The following DAB1 variants were observed in gnomAD, a reference collection of about 807,000 sequenced individuals.
The protein encoded by DAB1 is DAB adaptor protein 1, also known as disabled homolog 1.
Under a neutral mutation model 64.6 loss-of-function variants are expected in DAB1, and 15 were observed. The ratio of observed to expected loss-of-function variants is 0.23; its 90% CI spans 0.16 to 0.36. DAB1 has a LOEUF of 0.36. Among genes scored for constraint, DAB1 ranks in the 10% least tolerant of loss-of-function variants. The pLI, the probability that DAB1 is intolerant of heterozygous loss-of-function variation, is 1.00. For missense variants in DAB1, 596 were observed against 706.7 expected (o/e 0.84, Z 1.78); for synonymous variants, 235 against 251.9 (o/e 0.93, Z 0.64).
chr1:58,016,408 A>C (rs1646739731), intron 5 of DAB1, among the ~76,000 whole-genome samples: 1 of 152,166 alleles, frequency 6.6e-6, no homozygotes, highest in South Asian at 2.1e-4. Context: ...CTTGCAGCCC[A>C]CGGCATGTTA....
intron 3 of DAB1, among the ~76,000 whole-genome samples, chr1:57,140,055 G>A (rs1658451881): frequency 6.6e-6 from 1 of 152,128 alleles, no homozygotes; most frequent in African/African-American, 2.4e-5. Flanking sequence ...AGTGCCTTCA[G>A]GACACTGACG....
chr1:57,389,122 C>T (rs1355203731), intron 1 of DAB1, among the ~76,000 whole-genome samples: 2 of 152,170 alleles, frequency 1.3e-5, no homozygotes, highest in Non-Finnish European at 2.9e-5. Flanking sequence ...CCAAACACAG[C>T]CTCTATTTAC....
intron 5 of DAB1, among the ~76,000 whole-genome samples, chr1:58,131,977 G>A (rs1271301305): frequency 6.6e-6 from 1 of 151,874 alleles, no homozygotes; most frequent in East Asian, 2.0e-4. Flanking sequence ...GAGCTGTGGT[G>A]GGCTCCACCC....
At chr1:57,309,751 T>C (rs1674512734) in intron 1 of DAB1, among the ~76,000 whole-genome samples, 1 of 152,202 alleles carries the variant, frequency 6.6e-6, no homozygotes, top group Admixed American at 6.5e-5. Context: ...ACATTACCCA[T>C]GTTGATCATG....
intron 5 of DAB1, among the ~76,000 whole-genome samples, chr1:58,050,093 G>T (rs994959550): frequency 6.6e-6 from 1 of 152,150 alleles, no homozygotes; most frequent in Non-Finnish European, 1.5e-5. Flanking sequence ...GTATAAGGCA[G>T]TATTCTAGGC....
intron 1 of DAB1, among the ~76,000 whole-genome samples, chr1:57,373,806 TC>T (rs369638818): frequency 1.0e-3 from 156 of 152,312 alleles, no homozygotes; most frequent in African/African-American, 3.6e-3. Flanking sequence ...ATCGCCGGGT[TC>T]TTATAAAATT....
At chr1:58,115,029 C>T (rs1652238132) in intron 5 of DAB1, among the ~76,000 whole-genome samples, 1 of 150,872 alleles carries the variant, frequency 6.6e-6, no homozygotes. Flanking sequence ...GCAAAAGAAA[C>T]TACCATCAGA....
intron 9 of DAB1, among the ~76,000 whole-genome samples, chr1:57,048,538 G>T (rs568820834): frequency 6.6e-6 from 1 of 152,098 alleles, no homozygotes; most frequent in Non-Finnish European, 1.5e-5. Context: ...CCTGAAAAAC[G>T]TCCTCGTCTG....
intron 1 of DAB1, among the ~76,000 whole-genome samples, chr1:57,359,247 A>G (rs1303483451): frequency 6.6e-6 from 1 of 152,092 alleles, no homozygotes; most frequent in Non-Finnish European, 1.5e-5. Flanking sequence ...ACTCAATAGC[A>G]AAAACAGAAA....
intron 4 of DAB1, among the ~76,000 whole-genome samples, chr1:57,117,609 C>T (rs1656255639): frequency 6.6e-6 from 1 of 152,150 alleles, no homozygotes; most frequent in South Asian, 2.1e-4. Flanking sequence ...GCCCTCGGTG[C>T]AGTGCGGTAT....
chr1:57,450,279 CA>C (rs1221637343), intron 7 of DAB1, among the ~76,000 whole-genome samples: 2 of 152,082 alleles, frequency 1.3e-5, no homozygotes, highest in Non-Finnish European at 2.9e-5. Flanking sequence ...GGCAGAGGGG[CA>C]AAGAAGAGGG....
At chr1:57,084,770 AAC>A (rs1652893694) in intron 4 of DAB1, among the ~76,000 whole-genome samples, 1 of 152,162 alleles carries the variant, frequency 6.6e-6, no homozygotes, top group African/African-American at 2.4e-5. Context: ...TTAAATCAGA[AAC>A]ACAGAGTGTA....
chr1:57,302,922 T>C (rs536455078), intron 1 of DAB1, among the ~76,000 whole-genome samples: 88 of 152,318 alleles, frequency 5.8e-4, no homozygotes, highest in African/African-American at 2.0e-3. Flanking sequence ...CCTGAATTTG[T>C]TCACTGCAAA....
At chr1:58,338,479 TC>T (rs1280621287) in intron 4 of DAB1, among the ~76,000 whole-genome samples, 23 of 152,332 alleles carry the variant, frequency 1.5e-4, no homozygotes, top group African/African-American at 5.3e-4. Flanking sequence ...AGGTTTTGGT[TC>T]CCTATTATTT....
rs553249006 is a variant in DAB1 at position 57,679,590 on chromosome 1, A to T, written n.552-29925T>A. On this transcript the variant is annotated intron_variant and non_coding_transcript_variant, in intron 6 of 20. Transcript: ENST00000485760. ...TAAAGTTTATGTTCTGAATATTTAA[A>T]CTTCATCTAATATTGTTTTAGTAGT... 7.2e-5 allele frequency among the ~76,000 whole-genome samples: 11 copies of T among 152,328 alleles called. No homozygotes were observed. In the East Asian group the frequency reaches 2.1e-3, roughly 29 times the overall value.
intron 7 of DAB1, among the ~76,000 whole-genome samples, chr1:57,558,490 A>T (rs1441978272): frequency 6.6e-6 from 1 of 152,164 alleles, no homozygotes; most frequent in African/African-American, 2.4e-5. Context: ...TTTCTAATTC[A>T]TATAAACAGA....
intron 7 of DAB1, among the ~76,000 whole-genome samples, chr1:57,513,269 C>T (rs1456702648): frequency 6.6e-6 from 1 of 152,088 alleles, no homozygotes; most frequent in Non-Finnish European, 1.5e-5. Context: ...GCTGCTGCCT[C>T]TTGCCTGACA....
chr1:57,206,363 A>C (rs1370468833), intron 2 of DAB1, among the ~76,000 whole-genome samples: 1 of 152,152 alleles, frequency 6.6e-6, no homozygotes, highest in East Asian at 1.9e-4. Flanking sequence ...TTTGGGTTCT[A>C]TTTCCAGCTC....
chr1:57,499,068 C>T (rs772795904), intron 7 of DAB1, among the ~76,000 whole-genome samples: 9 of 152,078 alleles, frequency 5.9e-5, no homozygotes, highest in Non-Finnish European at 8.8e-5. Context: ...CTCCGCCTCC[C>T]GGGTTCAAGC....
Sources: allele counts gnomAD v4.1 joint callset (sites outside exome capture counted in the v4.1 genomes callset), GRCh38; gene constraint gnomAD v4.1.1; transcripts MANE v1.5; gene names NCBI Gene and HGNC (gene_info 2026-07-23, HGNC 2026-07-21).